The following DYNC2I1 variants were observed in gnomAD, a reference collection of about 807,000 sequenced individuals.
DYNC2I1 encodes dynein 2 intermediate chain 1.
A neutral mutation model predicts 133.4 loss-of-function variants in DYNC2I1; 89 were observed. The ratio of observed to expected loss-of-function variants is 0.67; its 90% CI spans 0.56 to 0.80. The LOEUF (loss-of-function observed/expected upper bound fraction) is 0.80, where lower values mean the gene tolerates loss of function less well. Among genes scored for constraint, DYNC2I1 ranks in the 30% least tolerant of loss-of-function variants. The pLI is 0.00. For missense variants in DYNC2I1, 1,291 were observed against 1,314.5 expected, an observed-to-expected ratio of 0.98 and a Z score of 0.28; for synonymous variants, 504 against 484.3, an observed-to-expected ratio of 1.04 and a Z score of -0.54.
intron 5 of DYNC2I1, 56 bp downstream of exon 5, chr7:158,880,045 G>C (rs953039340): frequency 7.9e-6 from 12 of 1,528,652 alleles, no homozygotes; most frequent in Admixed American, 4.5e-5. Context: ...GGCGCTTTCA[G>C]AGGAGGCTTA....
At chr7:158,902,994 C>T (rs551615401) in intron 10 of DYNC2I1, 2 of 178,154 alleles carry the variant, frequency 1.1e-5, no homozygotes, top group East Asian at 3.1e-4. Flanking sequence ...TTCTTTGCAA[C>T]CAGCGTTTTA....
intron 1 of DYNC2I1, among the ~76,000 whole-genome samples, chr7:158,858,467 G>GT (rs1841525951): frequency 6.6e-6 from 1 of 152,098 alleles, no homozygotes; most frequent in Non-Finnish European, 1.5e-5. Flanking sequence ...CCACAATGAA[G>GT]TTTGCTTATC....
the DYNC2I1 span, among the ~76,000 whole-genome samples, chr7:158,846,028 G>A: frequency 6.6e-6 from 1 of 152,184 alleles, no homozygotes; most frequent in Non-Finnish European, 1.5e-5. Context: ...GGGAGGCCAC[G>A]GCAGGCAGAT....
chr7:158,871,431 A>C lies in DYNC2I1; in HGVS notation c.359A>C (p.Asp120Ala). The change falls in exon 3 of 25, where the codon GAC becomes GCC. Residue 120 changes from aspartate to alanine, a missense_variant. Coordinates refer to ENST00000407559, the MANE Select transcript of DYNC2I1 (RefSeq NM_018051.5). ...EAEKSHSRGK[D>A]REKEKDRRAR... is the part of the protein sequence containing the mutation. ...GAAAAGTCTCACAGCAGAGGAAAGG[A>C]CAGGGAAAAAGAAAAAGACAGAAGG... 1 of 1,551,452 alleles carries C rather than the reference A, an allele frequency of 6.4e-7. No homozygotes were observed. The highest frequency in any genetic ancestry group is 8.7e-7 in the Non-Finnish European group (1 of 1,146,980).
chr7:158,935,877 C>T (rs1850704241), intron 23 of DYNC2I1, among the ~76,000 whole-genome samples: 1 of 151,952 alleles, frequency 6.6e-6, no homozygotes, highest in East Asian at 1.9e-4. Context: ...ACCAGCCTGA[C>T]CAACATGGAG....
rs539935645 is a variant in DYNC2I1, at chr7:158,873,262, C to T, written c.490+1700C>T. Among the ~76,000 whole-genome samples the T allele has an allele frequency of 7.9e-5, 12 of 152,188 alleles. No homozygotes were observed. In the East Asian group the frequency reaches 9.7e-4, roughly 12 times the overall value. On this transcript the variant is annotated intron_variant, in intron 3 of 24. Coordinates refer to ENST00000407559, the MANE Select transcript of DYNC2I1 (RefSeq NM_018051.5). Reference sequence around the variant, plus strand: ...TGCTTCTTACAAAAATGTAAACTAGCGCATATAAATGCAGAAGGAATCTGT... The same window carrying T: ...TGCTTCTTACAAAAATGTAAACTAGTGCATATAAATGCAGAAGGAATCTGT...
Position 158,918,889 on chromosome 7 carries a change from T to C in DYNC2I1, c.1921+20T>C. ...TTCAAAGTAAGAGGCTGTTCTCAAA[T>C]ATGATTTTAAATCCAGTGACTAAAC... On this transcript the variant is annotated intron_variant, in intron 15 of 24. Transcript: ENST00000407559. 6.2e-7 allele frequency: 1 copy of C among 1,605,508 alleles called. No individual in the cohort carries two copies. The highest frequency in any genetic ancestry group is 2.2e-5 in the East Asian group (1 of 44,712).
At chr7:158,911,506 A>G (rs767874771) in intron 11 of DYNC2I1, 44 bp from the exon 12 acceptor site, 3 of 1,600,404 alleles carry the variant, frequency 1.9e-6, no homozygotes, top group East Asian at 2.2e-5. Context: ...CCCCACGTAT[A>G]TTATTCGAGT....
At chr7:158,896,123 C>T (rs1173650672) in intron 8 of DYNC2I1, among the ~76,000 whole-genome samples, 1 of 152,144 alleles carries the variant, frequency 6.6e-6, no homozygotes, top group Non-Finnish European at 1.5e-5. Flanking sequence ...TTAGAACTTC[C>T]AGCATGATGC....
At chr7:158,882,635 G>A (rs1844154720) in intron 5 of DYNC2I1, among the ~76,000 whole-genome samples, 1 of 152,162 alleles carries the variant, frequency 6.6e-6, no homozygotes, top group Non-Finnish European at 1.5e-5. Context: ...CACTTTGGGA[G>A]GCCGAGACAG....
intron 14 of DYNC2I1, among the ~76,000 whole-genome samples, chr7:158,915,505 G>A (rs201611158): frequency 3.1e-4 from 28 of 91,022 alleles, no homozygotes; most frequent in Middle Eastern, 6.7e-3. Flanking sequence ...ACCTCGACAC[G>A]GTGGTTGAGA....
intron 13 of DYNC2I1, 67 bp downstream of exon 13, chr7:158,913,163 T>G (rs1847661482): frequency 8.2e-7 from 1 of 1,226,624 alleles, no homozygotes; most frequent in Non-Finnish European, 1.1e-6. Context: ...TATTTTTACT[T>G]ATTCCCTTTC....
intron 20 of DYNC2I1, among the ~76,000 whole-genome samples, 187 bp from the exon 21 acceptor site, chr7:158,930,265 ATTC>A (rs1850087144): frequency 6.6e-6 from 1 of 152,162 alleles, no homozygotes; most frequent in Admixed American, 6.6e-5. Flanking sequence ...TGAATTCTCG[ATTC>A]TTCTCCTAAG....
intron 3 of DYNC2I1, 48 bp downstream of exon 3, chr7:158,871,610 G>A (rs1173612264): frequency 8.9e-6 from 12 of 1,343,082 alleles, no homozygotes; most frequent in Non-Finnish European, 8.8e-6. Flanking sequence ...GTGCCGCGTC[G>A]CTGCTGGTGA....
intron 14 of DYNC2I1, 29 bp from the exon 15 acceptor site, chr7:158,918,708 TTTA>T (rs1474340535): frequency 1.2e-6 from 2 of 1,603,088 alleles, no homozygotes; most frequent in Admixed American, 3.4e-5. Context: ...TTGTGAAGTT[TTTA>T]TTAAAGACTA....
At chr7:158,877,486 T>C (rs773238177) in intron 4 of DYNC2I1, among the ~76,000 whole-genome samples, 1 of 152,260 alleles carries the variant, frequency 6.6e-6, no homozygotes, top group Non-Finnish European at 1.5e-5. Context: ...TCAAAGTAAA[T>C]GTAAACTTAA....
At chr7:158,876,521 G>C (rs976522427) in intron 3 of DYNC2I1, 88 bp from the exon 4 acceptor site, 32 of 1,449,212 alleles carry the variant, frequency 2.2e-5, no homozygotes, top group Non-Finnish European at 2.2e-5. Context: ...AATATAAAAT[G>C]TGCAATACCA....
At chr7:158,893,647 G>A (rs576933484) in intron 8 of DYNC2I1, among the ~76,000 whole-genome samples, 6 of 151,894 alleles carry the variant, frequency 4.0e-5, no homozygotes, top group African/African-American at 9.7e-5. Flanking sequence ...ACCACATATC[G>A]TACTGCATGT....
At chr7:158,891,728 C>T (rs902737736) in intron 8 of DYNC2I1, among the ~76,000 whole-genome samples, 2 of 152,158 alleles carry the variant, frequency 1.3e-5, no homozygotes, top group African/African-American at 2.4e-5. Context: ...TTTGAAGACA[C>T]CTAATAGAGA....
Sources: allele counts gnomAD v4.1 joint callset (sites outside exome capture counted in the v4.1 genomes callset), GRCh38; gene constraint gnomAD v4.1.1; transcripts MANE v1.5; gene names NCBI Gene and HGNC (gene_info 2026-07-23, HGNC 2026-07-21).